Variants in PARD3B observed in about 807,000 individuals in gnomAD.
PARD3B encodes the protein partitioning defective 3 homolog B.
A neutral mutation model predicts 130.2 loss-of-function variants in PARD3B; 103 were observed. The observed-to-expected ratio is 0.79, with a 90% CI of 0.67 to 0.93. The LOEUF (loss-of-function observed/expected upper bound fraction) is 0.93. Among genes scored for constraint, PARD3B ranks in the 40% least tolerant of loss-of-function variants. The pLI, the probability that PARD3B is intolerant of heterozygous loss-of-function variation, is 0.00. For synonymous variants in PARD3B, 583 were observed against 553.2 expected (o/e 1.05, Z -0.76); for missense variants, 1,609 against 1,499.2 (o/e 1.07, Z -1.21).
At chr2:204,877,280 G>A (rs917720561) in intron 2 of PARD3B, among the ~76,000 whole-genome samples, 3 of 152,068 alleles carry the variant, frequency 2.0e-5, no homozygotes, top group Non-Finnish European at 2.9e-5. Context: ...ATAGCATTAG[G>A]AGATATACCT....
At chr2:205,561,018 C>A (rs1490145756) in intron 22 of PARD3B, among the ~76,000 whole-genome samples, 1 of 152,200 alleles carries the variant, frequency 6.6e-6, no homozygotes, top group African/African-American at 2.4e-5. Context: ...TCTACTTATG[C>A]CCATCAGGAA....
At chr2:204,816,639 A>G (rs2043157356) in intron 2 of PARD3B, among the ~76,000 whole-genome samples, 1 of 151,958 alleles carries the variant, frequency 6.6e-6, no homozygotes, top group African/African-American at 2.4e-5. Flanking sequence ...CTCTGCAAAA[A>G]AATGTCTGTT....
At chr2:204,896,279 C>T (rs746820037) in intron 2 of PARD3B, among the ~76,000 whole-genome samples, 2 of 152,098 alleles carry the variant, frequency 1.3e-5, no homozygotes, top group Non-Finnish European at 2.9e-5. Context: ...TGCATTGAAT[C>T]AATAATGAAA....
chr2:205,406,929 A>G (rs1406119319), intron 19 of PARD3B, among the ~76,000 whole-genome samples: 2 of 152,084 alleles, frequency 1.3e-5, no homozygotes, highest in Admixed American at 6.6e-5. Context: ...TTGGCCTCCC[A>G]AAGTGCTGGG....
intron 3 of PARD3B, among the ~76,000 whole-genome samples, chr2:204,996,818 T>C (rs918739455): frequency 6.8e-6 from 1 of 147,222 alleles, no homozygotes; most frequent in Non-Finnish European, 1.5e-5. Flanking sequence ...AAAAGCGCAA[T>C]ATTCGGGTGG....
intron 2 of PARD3B, among the ~76,000 whole-genome samples, chr2:204,832,240 CAAACAA>C (rs1230006937): frequency 6.6e-6 from 1 of 151,210 alleles, no homozygotes; most frequent in Non-Finnish European, 1.5e-5. Flanking sequence ...AACAAACAAA[CAAACAA>C]AAACAAAAAA....
chr2:205,040,915 A>T (rs573829911), intron 3 of PARD3B, among the ~76,000 whole-genome samples: 50 of 152,208 alleles, frequency 3.3e-4, no homozygotes, highest in Middle Eastern at 3.4e-3. Context: ...CCCCCTAAAG[A>T]GGAGTCTCTT....
At chr2:204,844,899 A>G (rs569887236) in intron 2 of PARD3B, among the ~76,000 whole-genome samples, 10 of 152,180 alleles carry the variant, frequency 6.6e-5, no homozygotes, top group Middle Eastern at 3.4e-3. Flanking sequence ...TTATCTGTTT[A>G]TATGTGATTA....
At chr2:204,607,787 G>A (rs369914870) in intron 1 of PARD3B, among the ~76,000 whole-genome samples, 280 of 152,208 alleles carry the variant, frequency 1.8e-3, no homozygotes, top group Middle Eastern at 3.4e-3. Context: ...AACAGACTTC[G>A]CGAGAGAGGG....
intron 14 of PARD3B, among the ~76,000 whole-genome samples, chr2:205,192,193 A>T (rs1281955628): frequency 6.6e-6 from 1 of 152,188 alleles, no homozygotes; most frequent in African/African-American, 2.4e-5. Context: ...TTTCAGGTCG[A>T]GATTCTCTTG....
chr2:205,073,557 A>G (rs747900656), intron 4 of PARD3B, among the ~76,000 whole-genome samples: 2 of 152,190 alleles, frequency 1.3e-5, no homozygotes, highest in African/African-American at 4.8e-5. Context: ...GAGTTAGTGT[A>G]TATGTGGTAG....
chr2:205,526,086 A>G (rs920783485), intron 21 of PARD3B, among the ~76,000 whole-genome samples: 5 of 152,128 alleles, frequency 3.3e-5, no homozygotes, highest in Non-Finnish European at 7.4e-5. Flanking sequence ...CCTAAACTAC[A>G]TTGCTCATCC....
intron 10 of PARD3B, among the ~76,000 whole-genome samples, chr2:205,154,084 G>A (rs2033947116): frequency 6.6e-6 from 1 of 152,072 alleles, no homozygotes; most frequent in Admixed American, 6.6e-5. Context: ...CACAGCAAAA[G>A]AAACTACCAT....
In PARD3B at chr2:205,590,638, G is replaced by A. The variant is rs543761872; in HGVS notation, c.3261-24818G>A. Among the ~76,000 whole-genome samples, 8 of 152,278 alleles carry A rather than the reference G, an allele frequency of 5.3e-5. No homozygotes were observed. In the South Asian group the frequency reaches 6.2e-4, roughly 12 times the overall value. On this transcript the variant is annotated intron_variant, in intron 22 of 22. Coordinates refer to ENST00000406610, the MANE Select transcript of PARD3B (RefSeq NM_001302769.2). The surrounding 1 kb of genome is among the most constrained non-coding windows in gnomAD (Gnocchi z 4.1). Reference sequence around the variant, plus strand: ...ATGATTCCCAAAAGAACAGAAGGCTGTCACCAGGATAAAGTAGGACAGATG... The same window carrying A: ...ATGATTCCCAAAAGAACAGAAGGCTATCACCAGGATAAAGTAGGACAGATG...
At chr2:204,632,594 T>C (rs1488045434) in intron 1 of PARD3B, among the ~76,000 whole-genome samples, 1 of 152,172 alleles carries the variant, frequency 6.6e-6, no homozygotes. Context: ...TGCCTGGGTT[T>C]TGCCAGTACC....
At position 205,540,445 on chromosome 2, in the gene PARD3B, A is replaced by G. The variant is rs756548013; in HGVS notation, c.3181-12879A>G. On this transcript the variant is annotated intron_variant, in intron 21 of 22. Coordinates refer to ENST00000406610, the MANE Select transcript of PARD3B (RefSeq NM_001302769.2). The stretch of plus-strand genomic sequence containing the variant: ...GGTGGCAAAATTGTCCAACACATTC[A>G]TTTTATGTATTTTTCTCTTCTGGGT... 7.9e-5 allele frequency among the ~76,000 whole-genome samples: 12 copies of G among 152,096 alleles called. 1 individual carries two copies. The highest frequency in any genetic ancestry group is 1.2e-4 in the Non-Finnish European group (8 of 68,014).
intron 22 of PARD3B, among the ~76,000 whole-genome samples, chr2:205,608,059 A>G (rs1191492612): frequency 6.6e-6 from 1 of 152,188 alleles, no homozygotes; most frequent in Non-Finnish European, 1.5e-5. Context: ...TGATGCATAA[A>G]TATCTACTGC....
chr2:205,617,378 A>G lies in PARD3B; in HGVS notation c.*1565A>G, dbSNP rs1319894748. 1 of 152,084 alleles carries G rather than the reference A, an allele frequency of 6.6e-6. No individual in the cohort carries two copies. The highest frequency in any genetic ancestry group is 1.5e-5 in the Non-Finnish European group (1 of 68,014). 9.4% of individuals were successfully genotyped at this position (152,084 alleles called of 1,614,324 possible). A position where few individuals can be genotyped will look rare whatever the true frequency, so the allele number is the denominator to read the frequency against. On this transcript the variant is annotated 3_prime_UTR_variant, in exon 23 of 23. Transcript: ENST00000406610. ...AAAGTCTTGAGTTTAATTTAGGTCT[A>G]TTTTGGCTGAGATTAGCATACCTCT...
chr2:205,171,262 C>G (rs183782976), intron 11 of PARD3B, among the ~76,000 whole-genome samples: 1 of 152,006 alleles, frequency 6.6e-6, no homozygotes, highest in Non-Finnish European at 1.5e-5. Context: ...GAGAGCATAT[C>G]CCCTGAGTCT....
Sources: allele counts gnomAD v4.1 joint callset (sites outside exome capture counted in the v4.1 genomes callset), GRCh38; gene constraint gnomAD v4.1.1; non-coding constraint Gnocchi (gnomAD v3.1); transcripts MANE v1.5; gene names NCBI Gene and HGNC (gene_info 2026-07-23, HGNC 2026-07-21).